Variants in CFAP44 observed in about 807,000 individuals in gnomAD.
The protein encoded by CFAP44 is cilia- and flagella-associated protein 44.
A neutral mutation model predicts 216.2 loss-of-function variants in CFAP44; 134 were observed. That is an observed-to-expected ratio of 0.62 (90% CI 0.54 to 0.72). The LOEUF (loss-of-function observed/expected upper bound fraction) is 0.72, where lower values mean the gene tolerates loss of function less well. CFAP44 is among the 30% of genes least tolerant of loss of function. The pLI, the probability that CFAP44 is intolerant of heterozygous loss-of-function variation, is 0.00. For synonymous variants in CFAP44, 700 were observed against 727.6 expected, an observed-to-expected ratio of 0.96 and a Z score of 0.61; for missense variants, 2,035 against 2,182.1, an observed-to-expected ratio of 0.93 and a Z score of 1.34.
intron 32 of CFAP44, among the ~76,000 whole-genome samples, chr3:113,302,466 A>AAAAAAAAAAAAAAAAAAC (rs1949945978): frequency 7.1e-6 from 1 of 141,716 alleles, no homozygotes; most frequent in Non-Finnish European, 1.5e-5. Flanking sequence ...GTAAAAAAAA[A>AAAAAAAAAAAAAAAAAAC]AAAAAAAAAA....
chr3:113,305,001 C>T (rs1001082158), intron 31 of CFAP44, 35 bp downstream of exon 31: 14 of 1,522,472 alleles, frequency 9.2e-6, no homozygotes, highest in African/African-American at 4.1e-5. Flanking sequence ...TGACTCTTCT[C>T]GGACAGGATG....
intron 19 of CFAP44, among the ~76,000 whole-genome samples, chr3:113,365,246 C>T (rs1296130181): frequency 6.6e-6 from 1 of 152,164 alleles, no homozygotes; most frequent in Admixed American, 6.5e-5. Flanking sequence ...GCAGCCCATA[C>T]TCCAAATTTT....
intron 13 of CFAP44, among the ~76,000 whole-genome samples, chr3:113,397,714 T>C (rs1934025992): frequency 6.6e-6 from 1 of 152,036 alleles, no homozygotes; most frequent in Non-Finnish European, 1.5e-5. Flanking sequence ...TTACTGGATA[T>C]GGGGAATGAA....
chr3:113,373,578 T>C (rs1209509415), intron 17 of CFAP44, 22 bp from the exon 18 acceptor site: 4 of 1,525,242 alleles, frequency 2.6e-6, no homozygotes, highest in South Asian at 1.3e-5. Flanking sequence ...ATAAGTAACA[T>C]AGAAGGTGGT....
At position 113,379,446 on chromosome 3, in the gene CFAP44, T is replaced by C. The variant is rs1427367319; in HGVS notation, c.2158A>G (p.Lys720Glu). The C allele has an allele frequency of 4.3e-6, 7 of 1,612,688 alleles. No individual in the cohort carries two copies. Among genetic ancestry groups the C allele is most frequent in the Non-Finnish European group, 5.9e-6 (7 of 1,178,920 alleles). ...TCCTCTTCCTCCTCCTGAAATTCTT[T>C]TTCTCCATCTTCTCCCATCTCTGCT... is the stretch of plus-strand genomic sequence containing the variant. ...LAAEMGEDGE[K>E]EFQEEEEEKE... The change falls in exon 17 of 35, where the codon AAA becomes GAA. Residue 720 changes from lysine to glutamate, a missense_variant. Physicochemically the swap from Lys to Glu is moderately conservative, Grantham distance 56. This residue lies in a region of CFAP44 where 1,883 missense variants were observed against 2,023.7 expected (regional missense o/e 0.93). Transcript: ENST00000393845.
At chr3:113,359,214 C>T (rs990525489) in intron 21 of CFAP44, among the ~76,000 whole-genome samples, 1 of 152,132 alleles carries the variant, frequency 6.6e-6, no homozygotes, top group Non-Finnish European at 1.5e-5. Flanking sequence ...GAGGTAGATG[C>T]TTATGGCAAC....
chr3:113,338,115 A>G (rs1230620545), intron 24 of CFAP44, among the ~76,000 whole-genome samples: 2 of 151,628 alleles, frequency 1.3e-5, no homozygotes, highest in African/African-American at 4.8e-5. Flanking sequence ...AAAAAATGCA[A>G]AAGTGGTGGC....
intron 22 of CFAP44, among the ~76,000 whole-genome samples, chr3:113,346,847 C>T (rs1950388980): frequency 6.6e-6 from 1 of 152,220 alleles, no homozygotes. Flanking sequence ...GGTCCCCTTC[C>T]ATGCTGTGGA....
At chr3:113,410,958 T>C (rs1934449469) in intron 6 of CFAP44, among the ~76,000 whole-genome samples, 1 of 152,258 alleles carries the variant, frequency 6.6e-6, no homozygotes, top group South Asian at 2.1e-4. Flanking sequence ...TTTTGAGAAG[T>C]GTCTGTTCAT....
At chr3:113,309,437 C>T (rs1950017404) in intron 28 of CFAP44, among the ~76,000 whole-genome samples, 1 of 152,134 alleles carries the variant, frequency 6.6e-6, no homozygotes, top group African/African-American at 2.4e-5. Context: ...GCTACAAAAC[C>T]CCATTATAGT....
At chr3:113,394,736 T>C (rs963521061) in intron 15 of CFAP44, among the ~76,000 whole-genome samples, 2 of 151,672 alleles carry the variant, frequency 1.3e-5, no homozygotes, top group South Asian at 2.1e-4. Flanking sequence ...AAAAAAAAAA[T>C]TGCAAAATAT....
chr3:113,333,063 T>C (rs1339411401), intron 25 of CFAP44, among the ~76,000 whole-genome samples: 1 of 152,104 alleles, frequency 6.6e-6, no homozygotes, highest in Non-Finnish European at 1.5e-5. Context: ...GAGACATTCA[T>C]CAGAGAGTCA....
intron 21 of CFAP44, among the ~76,000 whole-genome samples, chr3:113,362,041 G>A (rs972448187): frequency 1.1e-4 from 17 of 151,736 alleles, no homozygotes; most frequent in Middle Eastern, 6.8e-3. Context: ...CAGAGCTGCT[G>A]CAAGAATATG....
In CFAP44 at chr3:113,399,929, C is replaced by A. The variant is rs1393968323; in HGVS notation, c.1546G>T (p.Ala516Ser). The A allele has an allele frequency of 1.3e-6, 2 of 1,598,498 alleles. No homozygotes were observed. ...AQMKFKQGGT[A>S]LVWVPRMVNF... ...ACCATTCGGGGTACCCAAACAAGGG[C>A]AGTACCTCCTTGTTTGAATTTCATC... The change falls in exon 13 of 35, where the codon GCC (alanine) becomes TCC (serine). Residue 516 changes from alanine (A) to serine (S), a missense_variant. This residue lies in a region of CFAP44 where 1,883 missense variants were observed against 2,023.7 expected (regional missense o/e 0.93). Transcript: ENST00000393845.
At chr3:113,417,310 C>T (rs1576601147) in intron 5 of CFAP44, 1 of 152,274 alleles carries the variant, frequency 6.6e-6, no homozygotes, top group African/African-American at 2.4e-5. Flanking sequence ...TATTTCCAAA[C>T]CAGACACAGA....
chr3:113,401,716 G>A lies in CFAP44; in HGVS notation c.1194C>T (p.Asp398=), dbSNP rs147508833. 3.1e-6 allele frequency: 5 copies of A among 1,610,258 alleles called. No homozygotes were observed. The highest frequency in any genetic ancestry group is 4.2e-6 in the Non-Finnish European group (5 of 1,178,484). The change falls in exon 10 of 35, where the codon GAC becomes GAT. Residue 398 remains aspartate (D), a synonymous_variant. Transcript: ENST00000393845. ...YVRIWDFETI[D]TADVIDETGL... is the part of the protein sequence containing the mutation. ...CAGTCTCATCTATTACATCAGCAGT[G>A]TCTATTGTCTCAAAATCCCATATCT... is the stretch of plus-strand genomic sequence containing the variant.
Position 113,294,682 on chromosome 3 carries a change from C to A in CFAP44, c.5373+5G>T. Reference sequence around the variant, plus strand: ...CGAAAAAGGGTCTGAAGGTAAAGAACATACCTGCTGATTCTGTAGTGTATT... The same window carrying A: ...CGAAAAAGGGTCTGAAGGTAAAGAAAATACCTGCTGATTCTGTAGTGTATT... On this transcript the variant is annotated splice_donor_5th_base_variant and intron_variant, in intron 34 of 34. Coordinates refer to ENST00000393845, the MANE Select transcript of CFAP44 (RefSeq NM_001164496.2). 1 of 1,522,552 alleles carries A rather than the reference C, an allele frequency of 6.6e-7. No homozygotes were observed. The highest frequency in any genetic ancestry group is 8.8e-7 in the Non-Finnish European group (1 of 1,142,448). The allele number at this position is 1,522,552 out of a possible 1,614,324, so 94.3% of individuals were successfully genotyped here. A position where few individuals can be genotyped will look rare whatever the true frequency, so the allele number is the denominator to read the frequency against.
At chr3:113,405,803 C>A (rs181534417) in intron 8 of CFAP44, among the ~76,000 whole-genome samples, 9 of 152,214 alleles carry the variant, frequency 5.9e-5, no homozygotes, top group African/African-American at 2.2e-4. Context: ...TTCTATTGAT[C>A]TTTATCTTAG....
Position 113,385,814 on chromosome 3 carries a change from T to TTTC in CFAP44, c.1891-4755_1891-4754insGAA, listed in dbSNP as rs1933636250. Among the ~76,000 whole-genome samples, 7 of 151,770 alleles carry TTTC rather than the reference T, an allele frequency of 4.6e-5. 1 individual carries two copies. In the South Asian group the frequency reaches 1.2e-3, roughly 27 times the overall value. ...CACCACAAAGCTAATTTTTGTATTT[T>TTTC]TTTTTTTTTGGTAGAGACAGGGTTT... is the stretch of plus-strand genomic sequence containing the variant. On this transcript the variant is annotated intron_variant, in intron 15 of 34. Coordinates refer to ENST00000393845, the MANE Select transcript of CFAP44 (RefSeq NM_001164496.2).
Sources: allele counts gnomAD v4.1 joint callset (sites outside exome capture counted in the v4.1 genomes callset), GRCh38; gene constraint gnomAD v4.1.1; regional missense constraint gnomAD v4.1.1; transcripts MANE v1.5; gene names NCBI Gene and HGNC (gene_info 2026-07-23, HGNC 2026-07-21).